UNKL: variants seen among roughly 807,000 people sequenced by gnomAD.
UNKL encodes the protein putative E3 ubiquitin-protein ligase UNKL.
A neutral mutation model predicts 78.0 loss-of-function variants in UNKL; 60 were observed. The observed-to-expected ratio is 0.77, with a 90% CI of 0.63 to 0.95. The LOEUF (loss-of-function observed/expected upper bound fraction) is 0.95. Among genes scored for constraint, UNKL ranks in the 40% least tolerant of loss-of-function variants. The pLI, the probability that UNKL is intolerant of heterozygous loss-of-function variation, is 0.00. For missense variants in UNKL, 1,159 were observed against 1,045.7 expected, an observed-to-expected ratio of 1.11 and a Z score of -1.49; for synonymous variants, 608 against 474.8, an observed-to-expected ratio of 1.28 and a Z score of -3.65.
At chr16:1,390,990 A>G (rs551213502) in intron 8 of UNKL, among the ~76,000 whole-genome samples, 1 of 152,214 alleles carries the variant, frequency 6.6e-6, no homozygotes, top group East Asian at 1.9e-4. Flanking sequence ...AGATGGCACC[A>G]TTGCACTCCA....
chr16:1,391,113 G>C (rs568695139), intron 8 of UNKL, among the ~76,000 whole-genome samples: 6 of 151,490 alleles, frequency 4.0e-5, no homozygotes, highest in African/African-American at 1.5e-4. Context: ...TCATACCACC[G>C]CACTGCAGGC....
At chr16:1,414,247 C>G (rs551112792) in intron 1 of UNKL, among the ~76,000 whole-genome samples, 192 bp from the exon 2 acceptor site, 1 of 152,030 alleles carries the variant, frequency 6.6e-6, no homozygotes, top group African/African-American at 2.4e-5. Flanking sequence ...ACCTCGTAGC[C>G]CAGGCGCTGA....
chr16:1,389,509 C>G (rs902290594), intron 9 of UNKL, among the ~76,000 whole-genome samples: 1 of 152,172 alleles, frequency 6.6e-6, no homozygotes, highest in Non-Finnish European at 1.5e-5. Context: ...CTGGGAGTCC[C>G]GGGCTGCAGT....
rs374109232 is a variant in UNKL at position 1,370,362 on chromosome 16, C to T, written c.1358-5G>A. Reference sequence around the variant, plus strand: ...AGCCGGCCAGCGACCTGGGACCTGGCGGGGGCGGACCAGTCAGCGAAGGGA... The same window carrying T: ...AGCCGGCCAGCGACCTGGGACCTGGTGGGGGCGGACCAGTCAGCGAAGGGA... On this transcript the variant is annotated splice_region_variant and splice_polypyrimidine_tract_variant and intron_variant, in intron 11 of 14. Transcript: ENST00000389221. The T allele has an allele frequency of 3.3e-5, 51 of 1,531,202 alleles. No individual in the cohort carries two copies. Among genetic ancestry groups the T allele is most frequent in the South Asian group, 2.4e-4 (20 of 83,796 alleles). 94.9% of individuals were successfully genotyped at this position (1,531,202 alleles called of 1,614,324 possible).
intron 2 of UNKL, among the ~76,000 whole-genome samples, chr16:1,407,862 T>G (rs910250934): frequency 6.6e-6 from 1 of 152,146 alleles, no homozygotes; most frequent in African/African-American, 2.4e-5. Context: ...TGGCCACTCG[T>G]TCTGTGGCTA....
intron 2 of UNKL, among the ~76,000 whole-genome samples, chr16:1,412,750 G>A (rs1322763273): frequency 6.6e-6 from 1 of 152,022 alleles, no homozygotes; most frequent in Non-Finnish European, 1.5e-5. Flanking sequence ...GAAAGCAACC[G>A]ACCACTACAA....
chr16:1,384,920 C>T (rs1016119945), intron 10 of UNKL, among the ~76,000 whole-genome samples: 3 of 152,138 alleles, frequency 2.0e-5, no homozygotes, highest in Non-Finnish European at 4.4e-5. Flanking sequence ...ACAACCTCCC[C>T]GTTCTCAGTC....
At chr16:1,377,085 C>T (rs2036292467) in intron 10 of UNKL, among the ~76,000 whole-genome samples, 1 of 152,028 alleles carries the variant, frequency 6.6e-6, no homozygotes, top group Non-Finnish European at 1.5e-5. Context: ...TGCAATGGCG[C>T]GATCTCAGCT....
At position 1,401,641 on chromosome 16, in the gene UNKL, C is replaced by T. The variant is rs142732403; in HGVS notation, c.525G>A (p.Pro175=). ...NGQLGGGEGV[P]DLQPGVLASQ... ...TGGCCAAGACCCCAGGCTGCAGATC[C>T]GGGACCCCTTCCCCGCCGCCCAGCT... The change falls in exon 4 of 15, where the codon CCG becomes CCA. Residue 175 remains proline, a synonymous_variant. Transcript: ENST00000389221. 2.0e-5 allele frequency: 32 copies of T among 1,611,808 alleles called. 1 individual carries two copies. The Middle Eastern group carries it at 4.9e-4, about 25-fold the overall frequency.
At chr16:1,398,946 GAAGAC>G in intron 5 of UNKL, 1 of 1,544,324 alleles carries the variant, frequency 6.5e-7, no homozygotes, top group South Asian at 1.2e-5. Flanking sequence ...TGCCAGCTGT[GAAGAC>G]AAGATTGAGC....
intron 8 of UNKL, among the ~76,000 whole-genome samples, chr16:1,391,160 TACACACACACACACAC>T (rs59407356): frequency 9.0e-5 from 13 of 144,738 alleles, no homozygotes; most frequent in East Asian, 4.1e-4. Context: ...CAAAAAAAAA[TACACACACACACACAC>T]ACACACACAC....
intron 10 of UNKL, chr16:1,379,612 C>T: frequency 4.1e-6 from 4 of 985,180 alleles, no homozygotes; most frequent in Non-Finnish European, 4.8e-6. Flanking sequence ...CGCACGGCTG[C>T]CACGCGCTGG....
chr16:1,375,903 T>C (rs1239367989), intron 10 of UNKL, among the ~76,000 whole-genome samples: 1 of 152,124 alleles, frequency 6.6e-6, no homozygotes, highest in South Asian at 2.1e-4. Context: ...CACTTGACGT[T>C]CTCAGGCCAT....
chr16:1,413,552 G>A (rs1219188582), intron 2 of UNKL, among the ~76,000 whole-genome samples: 1 of 152,224 alleles, frequency 6.6e-6, no homozygotes, highest in African/African-American at 2.4e-5. Context: ...AGAGCAACAA[G>A]AGTGAAACTC....
At chr16:1,368,610 A>AAAAAAAAC (rs2035510930) in intron 12 of UNKL, among the ~76,000 whole-genome samples, 1 of 115,748 alleles carries the variant, frequency 8.6e-6, no homozygotes, top group East Asian at 2.0e-4. Flanking sequence ...CTCCGTCTCA[A>AAAAAAAAC]AAAAAAAAAA....
chr16:1,367,185 CCCCGGCAGT>C lies in UNKL; in HGVS notation c.1944_1952del (p.Pro650_Leu652del). 1 of 1,606,022 alleles carries C rather than the reference CCCCGGCAGT, an allele frequency of 6.2e-7. No individual in the cohort carries two copies. The highest frequency in any genetic ancestry group is 8.5e-7 in the Non-Finnish European group (1 of 1,178,216). On this transcript the variant is annotated inframe_deletion, in exon 14 of 15. Coordinates refer to ENST00000389221, the MANE Select transcript of UNKL (RefSeq NM_001372107.1). The stretch of plus-strand genomic sequence containing the variant: ...TGCCGATGTCCCCACAGCCCCGCAG[CCCCGGCAGT>C]GTGGAGGCTACGCCCAGGCCCTCCA...
At chr16:1,389,055 CCCCCGGCCCCGG>C (rs887992266) in intron 9 of UNKL, among the ~76,000 whole-genome samples, 2 of 151,032 alleles carry the variant, frequency 1.3e-5, no homozygotes, top group Non-Finnish European at 3.0e-5. Context: ...CTTGCCCCCT[CCCCCGGCCCCGG>C]CCCCGGCCCC....
intron 6 of UNKL, 172 bp downstream of exon 6, chr16:1,397,006 G>A (rs1229454612): frequency 3.1e-6 from 2 of 648,886 alleles, no homozygotes; most frequent in East Asian, 5.8e-5. Flanking sequence ...CAGCAAGCAA[G>A]ACAAGCAAGC....
chr16:1,404,164 G>C (rs548967473), intron 2 of UNKL, among the ~76,000 whole-genome samples: 4 of 152,300 alleles, frequency 2.6e-5, no homozygotes, highest in South Asian at 2.1e-4. Flanking sequence ...CAATGGTGTC[G>C]AGCCCTGGCT....
Sources: gnomAD v4.1 joint callset for allele counts (sites outside exome capture counted in the v4.1 genomes callset) on GRCh38, gnomAD v4.1.1 for gene constraint, MANE v1.5 for transcripts, NCBI Gene and HGNC (gene_info 2026-07-23, HGNC 2026-07-21) for gene names.